TMC6: variants seen among roughly 807,000 people sequenced by gnomAD.
TMC6 encodes transmembrane channel like 6, also known as transmembrane channel-like protein 6.
In TMC6, 71 loss-of-function variants were observed where a neutral mutation model predicts 95.4. That is an observed-to-expected ratio of 0.74 (90% confidence interval 0.61 to 0.91). The LOEUF is 0.91. Among genes scored for constraint, TMC6 ranks in the 40% least tolerant of loss-of-function variants. The probability of loss-of-function intolerance (pLI) is 0.00; values close to 1 mark genes in which losing one functional copy is unlikely to be tolerated. For synonymous variants in TMC6, 514 were observed against 483.1 expected (o/e 1.06, Z -0.84); for missense variants, 1,074 against 1,079.1 (o/e 1.00, Z 0.07).
upstream of TMC6, among the ~76,000 whole-genome samples, chr17:78,129,398 A>T (rs1309007859): frequency 6.6e-6 from 1 of 152,124 alleles, no homozygotes; most frequent in Non-Finnish European, 1.5e-5. The surrounding 1 kb of genome is among the most constrained non-coding windows in gnomAD (Gnocchi z 4.3). Flanking sequence ...ACAGATGAGG[A>T]AACTGAGGCT....
At chr17:78,125,979 T>C in intron 4 of TMC6, 95 bp from the exon 5 acceptor site, 1 of 1,499,994 alleles carries the variant, frequency 6.7e-7, no homozygotes. Flanking sequence ...CCTCACCCCT[T>C]CCCAGGACCC....
upstream of TMC6, chr17:78,131,814 C>T: frequency 6.6e-7 from 1 of 1,511,006 alleles, no homozygotes; most frequent in Non-Finnish European, 8.8e-7. Context: ...GTGGGAGCAC[C>T]CCGTCTGCTT....
chr17:78,117,717 G>A, intron 16 of TMC6, 73 bp from the exon 17 acceptor site: 3 of 1,560,544 alleles, frequency 1.9e-6, no homozygotes, highest in Non-Finnish European at 2.6e-6. Flanking sequence ...CCCGTCCTCT[G>A]CACCCCTAAG....
chr17:78,131,921 G>C, upstream of TMC6: 1 of 1,498,238 alleles, frequency 6.7e-7, no homozygotes, highest in Non-Finnish European at 8.9e-7. Context: ...CCTTGCGCTG[G>C]CAGCGGTGGC....
chr17:78,118,042 A>G (rs2074221675), intron 15 of TMC6, 107 bp from the exon 16 acceptor site: 2 of 1,522,576 alleles, frequency 1.3e-6, no homozygotes, highest in Admixed American at 2.0e-5. Context: ...GCGTCCAGGC[A>G]GAGCCTGGAC....
At chr17:78,130,183 G>A (rs1252959395), upstream of TMC6, among the ~76,000 whole-genome samples, 4 of 152,166 alleles carry the variant, frequency 2.6e-5, no homozygotes, top group South Asian at 2.1e-4. Context: ...ACTTACTACC[G>A]GCCAGGTGCT....
rs759685270 is a variant in TMC6, at chr17:78,117,575, C to G, written c.2091G>C (p.Trp697Cys). 1.9e-6 allele frequency: 3 copies of G among 1,587,218 alleles called. No individual in the cohort carries two copies. The highest frequency in any genetic ancestry group is 2.6e-6 in the Non-Finnish European group (3 of 1,168,480). The change falls in exon 17 of 20, where the codon TGG (tryptophan) becomes TGC (cysteine). Residue 697 changes from tryptophan to cysteine, a missense_variant. Coordinates refer to ENST00000590602, the MANE Select transcript of TMC6 (RefSeq NM_001127198.5). Reference sequence around the variant, plus strand: ...GGCCTGCCGCCTCCAGGTGGCGCACCCACACCCTGCCGGCCTCGTACATGG... The same window carrying G: ...GGCCTGCCGCCTCCAGGTGGCGCACGCACACCCTGCCGGCCTCGTACATGG... ...LDTMYEAGRV[W>C]VRHLEAAGPR...
intron 13 of TMC6, chr17:78,119,659 G>A (rs2074311501): frequency 3.9e-6 from 2 of 514,234 alleles, no homozygotes; most frequent in Non-Finnish European, 3.5e-6. Context: ...TTTTGAAACA[G>A]GGTCTGGCTC....
chr17:78,123,022 G>C, intron 9 of TMC6: 1 of 557,080 alleles, frequency 1.8e-6, no homozygotes, highest in Non-Finnish European at 3.2e-6. Flanking sequence ...GCGAGACATG[G>C]ACCAGAAGAT....
rs772019840 is a variant in TMC6 at position 78,121,065 on chromosome 17, C to T, written c.1483G>A (p.Ala495Thr). The T allele has an allele frequency of 5.1e-5, 82 of 1,613,078 alleles. No homozygotes were observed. Among genetic ancestry groups the T allele is most frequent in the South Asian group, 6.6e-5 (6 of 91,078 alleles). Residue 495 changes from alanine to threonine, a missense_variant, in exon 12 of 20, where the codon GCC (alanine) becomes ACC (threonine). By Grantham distance (58) the Ala-to-Thr change is moderately conservative (BLOSUM62 0). Transcript: ENST00000590602. The surrounding 1 kb of genome is among the most constrained non-coding windows in gnomAD (Gnocchi z 5.6). ...GAPYLCRVLA[A>T]LEPHDSPVLE... is the part of the protein sequence containing the mutation. ...ACCGGGGAGTCATGCGGCTCCAGGG[C>T]GGCCAGGACACGGCACAGGTAGGGG...
At position 78,111,805 on chromosome 17, in the gene TMC6, C is replaced by A; in HGVS notation, c.*1343G>T. The A allele has an allele frequency of 4.9e-6, 1 of 203,510 alleles. No homozygotes were observed. The highest frequency in any genetic ancestry group is 5.9e-5 in the South Asian group (1 of 16,864). 12.6% of individuals were successfully genotyped at this position (203,510 alleles called of 1,614,324 possible). A position where few individuals can be genotyped will look rare whatever the true frequency, so the allele number is the denominator to read the frequency against. ...CTTTGACCATTTCCCCACCTGGGTT[C>A]ATTCCCCCAATCCCAAGCGCAGCTC... On this transcript the variant is annotated 3_prime_UTR_variant, in exon 20 of 20. Transcript: ENST00000590602.
chr17:78,124,859 C>T (rs1186538834), intron 7 of TMC6, 30 bp downstream of exon 7: 1 of 1,586,790 alleles, frequency 6.3e-7, no homozygotes, highest in South Asian at 1.1e-5. Flanking sequence ...CCCAGCCGCC[C>T]CAGCCCCAGG....
At position 78,126,397 on chromosome 17, in the gene TMC6, C is replaced by T. The variant is rs1177298470; in HGVS notation, c.182-31G>A. On this transcript the variant is annotated intron_variant, in intron 3 of 19. Coordinates refer to ENST00000590602, the MANE Select transcript of TMC6 (RefSeq NM_001127198.5). ...AAGCAAGAAAGACTCACCAGGGGTC[C>T]TGGAGATGCCATTGGCCACAGTATC... The T allele has an allele frequency of 2.5e-6, 4 of 1,601,450 alleles. No individual in the cohort carries two copies. The Admixed American group carries it at 6.7e-5, about 27-fold the overall frequency.
chr17:78,125,381 C>G (rs1162182441), intron 5 of TMC6, 118 bp from the exon 6 acceptor site: 3 of 938,774 alleles, frequency 3.2e-6, no homozygotes, highest in Non-Finnish European at 1.7e-6. Flanking sequence ...ACCTCGGTGC[C>G]CTTATTTGAG....
In TMC6 at chr17:78,119,368, C is replaced by T. The variant is rs200887507; in HGVS notation, c.1740G>A (p.Lys580=). 3.7e-6 allele frequency: 6 copies of T among 1,613,938 alleles called. No homozygotes were observed. In the African/African-American group the frequency reaches 5.3e-5, roughly 14 times the overall value. Residue 580 remains lysine, a synonymous_variant, in exon 14 of 20, where the codon AAG becomes AAA. Coordinates refer to ENST00000590602, the MANE Select transcript of TMC6 (RefSeq NM_001127198.5). ...VWRIISEKKL[K]RRRKPEFDIA... is the part of the protein sequence containing the mutation. ...TGTCAAACTCCGGCTTCCGCCTCCT[C>T]TTCAGCTTCTTCTCGGAGATAATCC...
At position 78,120,053 on chromosome 17, in the gene TMC6, G is replaced by A. The variant is rs1223298216; in HGVS notation, c.1715+600C>T. On this transcript the variant is annotated intron_variant, in intron 13 of 19. Transcript: ENST00000590602. The stretch of plus-strand genomic sequence containing the variant: ...AGCTGAAGTGCCAGAACCCACAGCG[G>A]AATACCTGGAACATTTTTTAAATGT... 6 of 383,574 alleles carry A rather than the reference G, an allele frequency of 1.6e-5. No homozygotes were observed. The Admixed American group carries it at 2.1e-4, about 14-fold the overall frequency. 23.8% of individuals were successfully genotyped at this position (383,574 alleles called of 1,614,324 possible).
At position 78,113,528 on chromosome 17, in the gene TMC6, A is replaced by C. The variant is rs372511568; in HGVS notation, c.2354+20T>G. The C allele has an allele frequency of 2.5e-6, 4 of 1,613,118 alleles. No individual in the cohort carries two copies. In the East Asian group the frequency reaches 8.9e-5, roughly 36 times the overall value. Reference sequence around the variant, plus strand: ...CCCCTCCAGGCTCAGAGTGTCCCCAATCCCTCCACGGACCCTCACCTGCTC... The same window carrying C: ...CCCCTCCAGGCTCAGAGTGTCCCCACTCCCTCCACGGACCCTCACCTGCTC... On this transcript the variant is annotated intron_variant, in intron 19 of 19. Coordinates refer to ENST00000590602, the MANE Select transcript of TMC6 (RefSeq NM_001127198.5).
intron 18 of TMC6, among the ~76,000 whole-genome samples, chr17:78,116,640 CT>C (rs1398842234): frequency 1.3e-5 from 2 of 151,670 alleles, no homozygotes; most frequent in Non-Finnish European, 2.9e-5. Context: ...AATCCTAGCA[CT>C]TTGGGAGGCC....
upstream of TMC6, chr17:78,132,171 C>A (rs1021939453): frequency 7.0e-6 from 10 of 1,426,136 alleles, no homozygotes; most frequent in African/African-American, 1.1e-4. Context: ...CCACCCCTTC[C>A]GCCCGCAGGC....
Sources: allele counts gnomAD v4.1 joint callset (sites outside exome capture counted in the v4.1 genomes callset), GRCh38; gene constraint gnomAD v4.1.1; non-coding constraint Gnocchi (gnomAD v3.1); transcripts MANE v1.5; gene names NCBI Gene and HGNC (gene_info 2026-07-23, HGNC 2026-07-21).